PLAAT1: variants seen among roughly 807,000 people sequenced by gnomAD.
PLAAT1 encodes phospholipase A and acyltransferase 1.
Under a neutral mutation model 16.4 loss-of-function variants are expected in PLAAT1, and 13 were observed. The observed-to-expected ratio is 0.79, with a 90% CI of 0.52 to 1.26. The LOEUF (loss-of-function observed/expected upper bound fraction) is 1.26. Ranked by LOEUF, PLAAT1 falls within the 50% of genes most tolerant of loss-of-function variation. The pLI, the probability that PLAAT1 is intolerant of heterozygous loss-of-function variation, is 0.00. For synonymous variants in PLAAT1, 73 were observed against 78.4 expected, an observed-to-expected ratio of 0.93 and a Z score of 0.36; for missense variants, 218 against 207.8, an observed-to-expected ratio of 1.05 and a Z score of -0.30.
intron 2 of PLAAT1, among the ~76,000 whole-genome samples, chr3:193,260,730 GT>G (rs2108795194): frequency 6.6e-6 from 1 of 152,138 alleles, no homozygotes; most frequent in South Asian, 2.1e-4. Context: ...AAAAGGAAAT[GT>G]TTATACACTG....
downstream of PLAAT1, among the ~76,000 whole-genome samples, chr3:193,273,554 C>T (rs76704204): frequency 6.8e-3 from 1,040 of 152,204 alleles, 12 homozygotes; most frequent in African/African-American, 0.024. Flanking sequence ...ATATTGAATC[C>T]GTACATCATG....
chr3:193,270,019 T>C (rs1480043025), intron 3 of PLAAT1, among the ~76,000 whole-genome samples: 1 of 151,940 alleles, frequency 6.6e-6, no homozygotes. Flanking sequence ...AGCTTATGTG[T>C]ATTTAGCTCA....
chr3:193,254,115 G>A (rs777262459), intron 1 of PLAAT1, among the ~76,000 whole-genome samples: 4 of 152,148 alleles, frequency 2.6e-5, no homozygotes, highest in Non-Finnish European at 5.9e-5. Context: ...ACATATTTGA[G>A]AGGGTGGTTA....
Position 193,263,066 on chromosome 3 carries a change from C to T in PLAAT1, c.236C>T (p.Thr79Ile). 6.2e-7 allele frequency: 1 copy of T among 1,614,090 alleles called. No homozygotes were observed. The highest frequency in any genetic ancestry group is 8.5e-7 in the Non-Finnish European group (1 of 1,179,976). Reference sequence around the variant, plus strand: ...TTGAAGGATGTTGTGGGAAATGACACATACAGAATAAACAATAAATACGAT... The same window carrying T: ...TTGAAGGATGTTGTGGGAAATGACATATACAGAATAAACAATAAATACGAT... ...QLLKDVVGND[T>I]YRINNKYDET... is the part of the protein sequence containing the mutation. The change falls in exon 3 of 4, where the codon ACA (threonine) becomes ATA (isoleucine). Residue 79 changes from threonine (T) to isoleucine (I), a missense_variant. By Grantham distance (89) the Thr-to-Ile change is moderately conservative (BLOSUM62 -1). Transcript: ENST00000264735.
At chr3:193,263,337 C>A in intron 3 of PLAAT1, 102 bp downstream of exon 3, 1 of 1,119,610 alleles carries the variant, frequency 8.9e-7, no homozygotes, top group Non-Finnish European at 1.3e-6. Flanking sequence ...CCAGAAAATA[C>A]GAGAATACTG....
chr3:193,277,279 C>T (rs1717263027), intron 2 of PLAAT1, among the ~76,000 whole-genome samples: 1 of 152,216 alleles, frequency 6.6e-6, no homozygotes, highest in Non-Finnish European at 1.5e-5. Context: ...TTGATTGAGA[C>T]TAGATGCAGA....
At chr3:193,242,578 A>G (rs1560096080) in intron 1 of PLAAT1, among the ~76,000 whole-genome samples, 1 of 152,208 alleles carries the variant, frequency 6.6e-6, no homozygotes. Context: ...TAAGGATGCC[A>G]GGATTCTAGG....
At chr3:193,241,796 T>C (rs1245520685) in intron 1 of PLAAT1, among the ~76,000 whole-genome samples, 1 of 152,196 alleles carries the variant, frequency 6.6e-6, no homozygotes, top group East Asian at 1.9e-4. Context: ...GAAGTGAATA[T>C]GAATAATAAT....
At chr3:193,281,165 C>G, downstream of PLAAT1, 9 of 984,954 alleles carry the variant, frequency 9.1e-6, no homozygotes, top group Non-Finnish European at 1.1e-5. Context: ...CAGGAAATAG[C>G]TGTGTGGATT....
intron 2 of PLAAT1, chr3:193,276,815 T>A (rs532653003): frequency 6.2e-7 from 1 of 1,613,570 alleles, no homozygotes; most frequent in Non-Finnish European, 8.5e-7. Flanking sequence ...CTCCACGATG[T>A]TATGGTTGGG....
At chr3:193,279,422 C>A (rs1244361447), downstream of PLAAT1, 14 of 1,613,666 alleles carry the variant, frequency 8.7e-6, no homozygotes, top group Non-Finnish European at 1.2e-5. Context: ...ATTGTGAGGC[C>A]CAAGGCAGCT....
At chr3:193,270,520 T>C (rs1560106449) in intron 3 of PLAAT1, 84 bp from the exon 4 acceptor site, 1 of 1,319,582 alleles carries the variant, frequency 7.6e-7, no homozygotes, top group South Asian at 1.5e-5. Context: ...GTGTTCAGTT[T>C]AGGAAACAGG....
downstream of PLAAT1, among the ~76,000 whole-genome samples, chr3:193,278,265 TCTCTC>T (rs1429641568): frequency 1.3e-5 from 2 of 152,204 alleles, no homozygotes; most frequent in Non-Finnish European, 2.9e-5. Context: ...TAATTGCTTG[TCTCTC>T]CTCTCACATG....
chr3:193,262,665 T>C (rs186346637), intron 2 of PLAAT1, among the ~76,000 whole-genome samples: 56 of 152,308 alleles, frequency 3.7e-4, no homozygotes, highest in African/African-American at 1.2e-3. Context: ...TCTAATAATA[T>C]AATACCAATC....
chr3:193,279,451 A>G (rs751000415), downstream of PLAAT1: 1 of 1,611,810 alleles, frequency 6.2e-7, no homozygotes, highest in South Asian at 1.1e-5. Context: ...AAATGAAAAT[A>G]TATCTGAGGA....
At chr3:193,260,627 AT>A (rs762187783) in intron 2 of PLAAT1, among the ~76,000 whole-genome samples, 2 of 152,192 alleles carry the variant, frequency 1.3e-5, no homozygotes, top group African/African-American at 2.4e-5. Context: ...AGAAATGCAA[AT>A]CAAAACCACA....
chr3:193,256,790 CA>C (rs1329907313), intron 2 of PLAAT1, among the ~76,000 whole-genome samples: 10 of 152,124 alleles, frequency 6.6e-5, no homozygotes, highest in African/African-American at 2.4e-4. Context: ...GAGATGTAGA[CA>C]AGCATTTCTG....
At chr3:193,275,086 ATT>A (rs1263436680), downstream of PLAAT1, 3 of 1,614,144 alleles carry the variant, frequency 1.9e-6, no homozygotes, top group Admixed American at 3.3e-5. Context: ...TGGCCTCCCA[ATT>A]TGAGTTTTCT....
At chr3:193,255,829 A>C in intron 2 of PLAAT1, 40 bp downstream of exon 2, 1 of 1,510,492 alleles carries the variant, frequency 6.6e-7, no homozygotes, top group Non-Finnish European at 8.9e-7. Context: ...GCAAAGTTTT[A>C]GTGTTCTTGT....
Sources: gnomAD v4.1 joint callset for allele counts (sites outside exome capture counted in the v4.1 genomes callset) on GRCh38, gnomAD v4.1.1 for gene constraint, MANE v1.5 for transcripts, NCBI Gene and HGNC (gene_info 2026-07-23, HGNC 2026-07-21) for gene names.